TUBGCP3: variants seen among roughly 807,000 people sequenced by gnomAD.
The protein encoded by TUBGCP3 is tubulin gamma complex component 3.
TUBGCP3 carries 50 observed loss-of-function variants against 123.1 expected under a neutral mutation model. The observed-to-expected ratio is 0.41, with a 90% CI of 0.32 to 0.51. The LOEUF (loss-of-function observed/expected upper bound fraction) is 0.51. Among genes scored for constraint, TUBGCP3 ranks in the 20% least tolerant of loss-of-function variants. The pLI is 0.36. For synonymous variants in TUBGCP3, 405 were observed against 413.9 expected, an observed-to-expected ratio of 0.98 and a Z score of 0.26; for missense variants, 882 against 1,127.0, an observed-to-expected ratio of 0.78 and a Z score of 3.11.
At chr13:112,554,286 C>T (rs908281632) in intron 7 of TUBGCP3, 104 bp from the exon 8 acceptor site, 27 of 1,338,558 alleles carry the variant, frequency 2.0e-5, no homozygotes, top group Middle Eastern at 4.1e-4. Flanking sequence ...AATCCTTAGG[C>T]TTCAAGACAT....
chr13:112,503,943 G>T, intron 19 of TUBGCP3, 89 bp downstream of exon 19: 1 of 1,448,546 alleles, frequency 6.9e-7, no homozygotes, highest in Non-Finnish European at 9.3e-7. Flanking sequence ...CTGCATCAGG[G>T]CATTTCTAAG....
At chr13:112,592,345 G>A (rs998256661), upstream of TUBGCP3, among the ~76,000 whole-genome samples, 3 of 152,226 alleles carry the variant, frequency 2.0e-5, no homozygotes, top group African/African-American at 7.2e-5. The surrounding 1 kb of genome is among the most constrained non-coding windows in gnomAD (Gnocchi z 4.1). Flanking sequence ...GCTGCCAGGT[G>A]CCGGGTGGTG....
At position 112,486,169 on chromosome 13, in the gene TUBGCP3, G is replaced by C. The variant is rs751988313; in HGVS notation, c.2566-18C>G. On this transcript the variant is annotated intron_variant, in intron 21 of 21. Transcript: ENST00000261965. ...ACGATACCCTAAAAAGAAGCAAAAG[G>C]AGTAAAATATTGTTTCAGAAAAGAA... 1 of 1,609,802 alleles carries C rather than the reference G, an allele frequency of 6.2e-7. No homozygotes were observed. The highest frequency in any genetic ancestry group is 8.5e-7 in the Non-Finnish European group (1 of 1,178,052).
chr13:112,587,602 GC>G (rs1341423016), intron 1 of TUBGCP3, among the ~76,000 whole-genome samples: 1 of 152,216 alleles, frequency 6.6e-6, no homozygotes, highest in African/African-American at 2.4e-5. Context: ...CGGTGACTCA[GC>G]CCGCTCCGGC....
intron 11 of TUBGCP3, among the ~76,000 whole-genome samples, chr13:112,538,693 G>A (rs1290185239): frequency 1.3e-5 from 2 of 151,990 alleles, no homozygotes; most frequent in Non-Finnish European, 2.9e-5. Context: ...ATAAAAAGAA[G>A]CATTTTCTTA....
chr13:112,560,237 C>T (rs1000005414), intron 3 of TUBGCP3, among the ~76,000 whole-genome samples: 7 of 151,196 alleles, frequency 4.6e-5, no homozygotes, highest in South Asian at 2.1e-4. Flanking sequence ...GAGACCATCC[C>T]GGCTAAAACG....
At chr13:112,567,614 T>A (rs966667194) in intron 2 of TUBGCP3, among the ~76,000 whole-genome samples, 1 of 152,220 alleles carries the variant, frequency 6.6e-6, no homozygotes, top group Non-Finnish European at 1.5e-5. Flanking sequence ...AAATAATACA[T>A]GCACACTCAG....
intron 3 of TUBGCP3, among the ~76,000 whole-genome samples, chr13:112,561,311 G>A (rs1282536394): frequency 6.6e-6 from 1 of 152,224 alleles, no homozygotes; most frequent in African/African-American, 2.4e-5. Context: ...CCAGGACCAA[G>A]GAGCCAAGCT....
chr13:112,578,661 A>T (rs1882046437), intron 1 of TUBGCP3, among the ~76,000 whole-genome samples: 1 of 151,480 alleles, frequency 6.6e-6, no homozygotes, highest in Admixed American at 6.6e-5. Context: ...TGCTTAATGC[A>T]ACGCGACCTT....
chr13:112,572,356 G>C (rs1464976082), intron 1 of TUBGCP3, among the ~76,000 whole-genome samples: 1 of 152,148 alleles, frequency 6.6e-6, no homozygotes, highest in Non-Finnish European at 1.5e-5. Context: ...TTGTTACATA[G>C]GTATACGTGT....
In TUBGCP3 at chr13:112,512,977, C is replaced by T. The variant is rs546176322; in HGVS notation, c.2086+3463G>A. Among the ~76,000 whole-genome samples, 11 of 152,236 alleles carry T rather than the reference C, an allele frequency of 7.2e-5. No individual in the cohort carries two copies. The South Asian group carries it at 1.2e-3, about 17-fold the overall frequency. On this transcript the variant is annotated intron_variant, in intron 17 of 21. Transcript: ENST00000261965. ...AAATTTCATCTTGATTCTTCATGAA[C>T]GATGAACGCATCCTTGTTTTCCCTC...
chr13:112,590,316 G>A (rs1882861403), upstream of TUBGCP3, among the ~76,000 whole-genome samples: 1 of 152,120 alleles, frequency 6.6e-6, no homozygotes, highest in South Asian at 2.1e-4. Context: ...GTGACTCACT[G>A]GAGCCCTGAT....
At chr13:112,579,903 T>TATCCATAACTGCCAAAAACGG (rs1220752671) in intron 1 of TUBGCP3, among the ~76,000 whole-genome samples, 2 of 152,250 alleles carry the variant, frequency 1.3e-5, no homozygotes, top group Non-Finnish European at 2.9e-5. Context: ...ATAGCAGCAT[T>TATCCATAACTGCCAAAAACGG]ATCCATAACT....
Position 112,524,956 on chromosome 13 carries a change from C to T in TUBGCP3, c.1555+1986G>A, listed in dbSNP as rs151021126. Among the ~76,000 whole-genome samples the T allele has an allele frequency of 1.0e-3, 154 of 152,270 alleles. No homozygotes were observed. Among genetic ancestry groups the T allele is most frequent in the African/African-American group, 3.5e-3 (144 of 41,548 alleles). On this transcript the variant is annotated intron_variant, in intron 13 of 21. Coordinates refer to ENST00000261965, the MANE Select transcript of TUBGCP3 (RefSeq NM_006322.6). The surrounding 1 kb of genome is among the most constrained non-coding windows in gnomAD (Gnocchi z 4.4). Reference sequence around the variant, plus strand: ...CTCCCGAAATCCCCTGCTGCCCTTCCGACTTGGCCTCACGAGCTCAGAGTT... The same window carrying T: ...CTCCCGAAATCCCCTGCTGCCCTTCTGACTTGGCCTCACGAGCTCAGAGTT...
At chr13:112,518,815 C>T (rs777650680) in intron 16 of TUBGCP3, among the ~76,000 whole-genome samples, 160 bp downstream of exon 16, 2 of 152,156 alleles carry the variant, frequency 1.3e-5, no homozygotes, top group African/African-American at 4.8e-5. Context: ...ATTTAAAACA[C>T]ACACACAATT....
rs1394214384 is a variant in TUBGCP3 at position 112,545,136 on chromosome 13, A to G, written c.1335+563T>C. The G allele has an allele frequency of 6.5e-6, 1 of 153,586 alleles. No homozygotes were observed. Among genetic ancestry groups the G allele is most frequent in the African/African-American group, 2.4e-5 (1 of 41,480 alleles). 9.5% of individuals were successfully genotyped at this position (153,586 alleles called of 1,614,324 possible). ...ACTTTAACGTGTTAAACTGCACTAC[A>G]ACTTTTGTTAGATTCCTGTCTTACT... On this transcript the variant is annotated intron_variant, in intron 11 of 21. Transcript: ENST00000261965. The surrounding 1 kb of genome is among the most constrained non-coding windows in gnomAD (Gnocchi z 4.1).
In TUBGCP3 at chr13:112,527,462, G is replaced by A. The variant is rs1786610742; in HGVS notation, c.1358C>T (p.Thr453Ile). Residue 453 changes from threonine to isoleucine, a missense_variant, in exon 12 of 22, where the codon ACA becomes ATA. By Grantham distance (89) the Thr-to-Ile change is moderately conservative (BLOSUM62 -1). Coordinates refer to ENST00000261965, the MANE Select transcript of TUBGCP3 (RefSeq NM_006322.6). ...YHEFFVASDP[T>I]VKTDRLWHDK... The stretch of plus-strand genomic sequence containing the variant: ...GTGCCACAGTCGATCTGTTTTAACT[G>A]TTGGATCTGATGCTACAAAAAACTG... 2 of 1,612,526 alleles carry A rather than the reference G, an allele frequency of 1.2e-6. No individual in the cohort carries two copies. The highest frequency in any genetic ancestry group is 1.1e-5 in the South Asian group (1 of 90,660).
At chr13:112,588,453 G>GAAAGAAGCCTGTTTAAAAAAGAAAAGAAA (rs1451684200), upstream of TUBGCP3, among the ~76,000 whole-genome samples, 25 of 152,308 alleles carry the variant, frequency 1.6e-4, no homozygotes, top group South Asian at 2.5e-3. Flanking sequence ...CACTTCTGAT[G>GAAAGAAGCCTGTTTAAAAAAGAAAAGAAA]AAAGAAGCCT....
rs770295079 is a variant in TUBGCP3 at position 112,520,028 on chromosome 13, A to G, written c.1746-7T>C. ...TGGACGGACAAGTTCTGGTCTTAAC[A>G]AATTTTTTAAAAATTAAAGAAAATA... On this transcript the variant is annotated splice_region_variant and splice_polypyrimidine_tract_variant and intron_variant, in intron 14 of 21. Transcript: ENST00000261965. 2 of 1,601,796 alleles carry G rather than the reference A, an allele frequency of 1.2e-6. No individual in the cohort carries two copies. The highest frequency in any genetic ancestry group is 1.7e-6 in the Non-Finnish European group (2 of 1,175,426).
Sources: allele counts gnomAD v4.1 joint callset (sites outside exome capture counted in the v4.1 genomes callset), GRCh38; gene constraint gnomAD v4.1.1; non-coding constraint Gnocchi (gnomAD v3.1); transcripts MANE v1.5; gene names NCBI Gene and HGNC (gene_info 2026-07-23, HGNC 2026-07-21).